Variants in ZNF726 observed in about 807,000 individuals in gnomAD.
ZNF726 encodes zinc finger protein 726, also known as zinc finger protein 92 pseudogene 3.
ZNF726 carries 15 observed loss-of-function variants against 11.6 expected under a neutral mutation model. The ratio of observed to expected loss-of-function variants is 1.29; its 90% CI spans 0.86 to 1.99. The LOEUF (loss-of-function observed/expected upper bound fraction) is 1.99, where lower values mean the gene tolerates loss of function less well. ZNF726 is among the 30% of genes most tolerant of loss of function. ZNF726 has a pLI of 0.00. For missense variants in ZNF726, 890 were observed against 725.6 expected, an observed-to-expected ratio of 1.23 and a Z score of -2.60; for synonymous variants, 295 against 243.6, an observed-to-expected ratio of 1.21 and a Z score of -1.96.
intron 3 of ZNF726, chr19:23,921,295 C>G (rs910962634): frequency 6.6e-6 from 1 of 151,912 alleles, no homozygotes; most frequent in African/African-American, 2.4e-5. Flanking sequence ...GACTCTCTCT[C>G]GATGTATATA....
chr19:23,938,664 A>G (rs1194875814), downstream of ZNF726, among the ~76,000 whole-genome samples: 1 of 143,860 alleles, frequency 7.0e-6, no homozygotes, highest in Non-Finnish European at 1.5e-5. Flanking sequence ...CTGGAGTGCA[A>G]TGGTGTGATG....
chr19:23,918,135 T>G (rs899605222), intron 1 of ZNF726, among the ~76,000 whole-genome samples: 2 of 151,606 alleles, frequency 1.3e-5, no homozygotes, highest in South Asian at 2.1e-4. Flanking sequence ...ATTCACAGAG[T>G]GGGTAGCAGG....
chr19:23,924,459 T>C (rs898547948), intron 3 of ZNF726, among the ~76,000 whole-genome samples: 8 of 152,216 alleles, frequency 5.3e-5, no homozygotes, highest in Non-Finnish European at 8.8e-5. Flanking sequence ...TTCCTTTGTG[T>C]GAGATAATTC....
At chr19:23,919,571 T>A in intron 2 of ZNF726, 72 bp downstream of exon 2, 1 of 1,468,254 alleles carries the variant, frequency 6.8e-7, no homozygotes, top group Non-Finnish European at 9.1e-7. Flanking sequence ...GTATGTTTTC[T>A]GGTAATTTAT....
rs1968162040 is a variant in ZNF726, at chr19:23,933,378, G to C, written c.1262G>C (p.Gly421Ala). Residue 421 changes from glycine to alanine, a missense_variant, in exon 4 of 4, where the codon GGA becomes GCA. Gly to Ala is a moderately conservative substitution (Grantham distance 60, BLOSUM62 0). Transcript: ENST00000594466. ...ACTAAACATAAGATAATTCATACTG[G>C]AGAGAAACCTTACAAGTGTGAAGAA... Reference protein sequence around the residue: ...NLTKHKIIHTGEKPYKCEECG... With the variant: ...NLTKHKIIHTAEKPYKCEECG... 2 of 1,612,766 alleles carry C rather than the reference G, an allele frequency of 1.2e-6. No homozygotes were observed. The highest frequency in any genetic ancestry group is 1.7e-6 in the Non-Finnish European group (2 of 1,179,734).
intron 3 of ZNF726, among the ~76,000 whole-genome samples, chr19:23,942,104 T>A (rs1410023346): frequency 6.6e-6 from 1 of 152,232 alleles, no homozygotes; most frequent in Non-Finnish European, 1.5e-5. Flanking sequence ...CATTTAGGGA[T>A]ATGAACTTTC....
intron 3 of ZNF726, among the ~76,000 whole-genome samples, chr19:23,925,782 T>C (rs1347926450): frequency 6.8e-6 from 1 of 146,992 alleles, no homozygotes; most frequent in Non-Finnish European, 1.5e-5. Context: ...AATGGTGAGA[T>C]CTCGGCTCCC....
chr19:23,922,562 A>G (rs1471499907), intron 3 of ZNF726, among the ~76,000 whole-genome samples: 1 of 152,188 alleles, frequency 6.6e-6, no homozygotes, highest in Non-Finnish European at 1.5e-5. Context: ...TCTCAGTGGA[A>G]CCAAGTTAGG....
At chr19:23,923,378 A>T (rs1264171040) in intron 3 of ZNF726, 3 of 410,390 alleles carry the variant, frequency 7.3e-6, no homozygotes, top group Non-Finnish European at 1.4e-5. Flanking sequence ...ATTTTCTCTG[A>T]AATTTTATTG....
intron 3 of ZNF726, chr19:23,927,873 G>T (rs1968022324): frequency 6.6e-6 from 1 of 152,144 alleles, no homozygotes; most frequent in Non-Finnish European, 1.5e-5. Context: ...GCTTTTGACT[G>T]GAAAGTTCTG....
At chr19:23,923,676 A>G (rs1293963020) in intron 3 of ZNF726, 4 of 163,424 alleles carry the variant, frequency 2.4e-5, no homozygotes, top group African/African-American at 9.6e-5. Flanking sequence ...GGGATTACAG[A>G]TGCCAGTAAT....
chr19:23,937,014 T>A (rs915622037), downstream of ZNF726, among the ~76,000 whole-genome samples: 2 of 151,424 alleles, frequency 1.3e-5, no homozygotes, highest in African/African-American at 4.8e-5. Flanking sequence ...GAGGGGCTCC[T>A]CACTTCCCAG....
intron 4 of ZNF726, chr19:23,943,705 A>G (rs918449505): frequency 2.3e-6 from 1 of 441,754 alleles, no homozygotes. Flanking sequence ...ATTTCCTAAA[A>G]AGCCTTTTTT....
exon 4 of ZNF726, chr19:23,943,521 T>G: frequency 1.5e-6 from 1 of 668,548 alleles, no homozygotes; most frequent in South Asian, 1.6e-5. Flanking sequence ...CCTGATCTGA[T>G]CTCCTGCCTT....
intron 3 of ZNF726, chr19:23,928,087 A>T (rs1968026806): frequency 6.6e-6 from 1 of 152,182 alleles, no homozygotes; most frequent in Non-Finnish European, 1.5e-5. Context: ...AAATGAAAGC[A>T]GGTTTATTAG....
chr19:23,943,490 A>T, intron 3 of ZNF726: 1 of 612,120 alleles, frequency 1.6e-6, no homozygotes, highest in Non-Finnish European at 3.0e-6. Context: ...TTCTAACAAA[A>T]CAGGCCTTGC....
At chr19:23,942,379 C>T (rs1359529789) in intron 3 of ZNF726, among the ~76,000 whole-genome samples, 1 of 152,100 alleles carries the variant, frequency 6.6e-6, no homozygotes. Flanking sequence ...TATGGCCTAT[C>T]ATATGATCTA....
chr19:23,934,929 G>T (rs189962231), downstream of ZNF726, among the ~76,000 whole-genome samples: 15 of 152,352 alleles, frequency 9.8e-5, no homozygotes, highest in African/African-American at 2.2e-4. Flanking sequence ...CTGCTTAGGG[G>T]CATTTGCTTT....
At position 23,932,728 on chromosome 19, in the gene ZNF726, A is replaced by G. The variant is rs751481371; in HGVS notation, c.612A>G (p.Lys204=). 1 of 1,610,156 alleles carries G rather than the reference A, an allele frequency of 6.2e-7. No homozygotes were observed. Among genetic ancestry groups the G allele is most frequent in the Non-Finnish European group, 8.5e-7 (1 of 1,179,058 alleles). Residue 204 remains lysine, a synonymous_variant, in exon 4 of 4, where the codon AAA becomes AAG. Transcript: ENST00000594466. ...CTACAGAGAAGTCCTACAAATGTAA[A>G]GAATGTGGAAAAACCTTTAATTGGT... The part of the protein sequence containing the change: ...IYTTEKSYKC[K]ECGKTFNWSS...
Sources: allele counts gnomAD v4.1 joint callset (sites outside exome capture counted in the v4.1 genomes callset), GRCh38; gene constraint gnomAD v4.1.1; transcripts MANE v1.5; gene names NCBI Gene and HGNC (gene_info 2026-07-23, HGNC 2026-07-21).